EML6: variants seen among roughly 807,000 people sequenced by gnomAD.
EML6 encodes echinoderm microtubule-associated protein-like 6.
Under a neutral mutation model 240.1 loss-of-function variants are expected in EML6, and 154 were observed. The ratio of observed to expected loss-of-function variants is 0.64; its 90% CI spans 0.56 to 0.73. EML6 has a LOEUF of 0.73. Among genes scored for constraint, EML6 ranks in the 30% least tolerant of loss-of-function variants. The pLI is 0.00. For missense variants in EML6, 2,964 were observed against 2,474.6 expected, an observed-to-expected ratio of 1.20 and a Z score of -4.20; for synonymous variants, 1,148 against 899.0, an observed-to-expected ratio of 1.28 and a Z score of -4.95.
At chr2:54,909,931 A>G (rs928042771) in intron 24 of EML6, among the ~76,000 whole-genome samples, 1 of 151,918 alleles carries the variant, frequency 6.6e-6, no homozygotes, top group Non-Finnish European at 1.5e-5. Context: ...AAAGAACACG[A>G]TCTAAACCAA....
Position 54,844,267 on chromosome 2 carries a change from C to T in EML6, c.1049+19C>T. The T allele has an allele frequency of 6.5e-7, 1 of 1,544,394 alleles. No individual in the cohort carries two copies. The highest frequency in any genetic ancestry group is 8.8e-7 in the Non-Finnish European group (1 of 1,140,502). On this transcript the variant is annotated intron_variant, in intron 8 of 41. Coordinates refer to ENST00000356458, the MANE Select transcript of EML6 (RefSeq NM_001039753.4). ...CTGTCAGGTGAGGCCCTACCGCCGTCACCTCTCTGACTTCTTTGAGATGGA... is the reference window on the plus strand; with the variant it reads ...CTGTCAGGTGAGGCCCTACCGCCGTTACCTCTCTGACTTCTTTGAGATGGA...
At position 54,738,541 on chromosome 2, in the gene EML6, C is replaced by T. The variant is rs191660594; in HGVS notation, c.197+13283C>T. Among the ~76,000 whole-genome samples the T allele has an allele frequency of 2.6e-5, 4 of 152,306 alleles. No individual in the cohort carries two copies. In the East Asian group the frequency reaches 7.7e-4, roughly 29 times the overall value. On this transcript the variant is annotated intron_variant, in intron 2 of 41. Coordinates refer to ENST00000356458, the MANE Select transcript of EML6 (RefSeq NM_001039753.4). ...CATCAAAAAATCAATACCATCCATA[C>T]CACAGACAGCACCTCATGCCCTTTT...
chr2:54,891,284 T>C (rs1002106671), intron 18 of EML6, 130 bp downstream of exon 18: 20 of 513,290 alleles, frequency 3.9e-5, no homozygotes, highest in African/African-American at 3.6e-4. Flanking sequence ...CTAAAAAAAT[T>C]ATCTCCCAAG....
At chr2:54,915,933 G>A (rs1318429726) in intron 25 of EML6, among the ~76,000 whole-genome samples, 3 of 152,134 alleles carry the variant, frequency 2.0e-5, no homozygotes, top group African/African-American at 7.2e-5. Context: ...AAGCCATAAT[G>A]TTGTTGTTAT....
chr2:54,729,020 A>G (rs1014784751), intron 2 of EML6, among the ~76,000 whole-genome samples: 2 of 152,132 alleles, frequency 1.3e-5, no homozygotes, highest in Non-Finnish European at 2.9e-5. Context: ...TGTCAGTCAT[A>G]CTTGAGTTTG....
chr2:54,875,193 C>A (rs527736063), intron 16 of EML6, among the ~76,000 whole-genome samples: 38 of 152,266 alleles, frequency 2.5e-4, no homozygotes, highest in Middle Eastern at 3.4e-3. Flanking sequence ...TGTGGAACAG[C>A]CCCAAGTGAA....
chr2:54,903,448 G>T lies in EML6; in HGVS notation c.3355G>T (p.Gly1119Cys). 6.4e-7 allele frequency: 1 copy of T among 1,551,938 alleles called. No homozygotes were observed. The highest frequency in any genetic ancestry group is 8.7e-7 in the Non-Finnish European group (1 of 1,146,952). ...IYNVLTSKRVGICKGASSYIT... is the reference protein window; with the variant it reads ...IYNVLTSKRVCICKGASSYIT... ...CAACGTACTTACAAGCAAAAGGGTT[G>T]GCATCTGTAAAGGTGCTTCTAGTTA... Residue 1119 changes from glycine (G) to cysteine (C), a missense_variant, in exon 24 of 42, where the codon GGC becomes TGC. Gly to Cys is a radical substitution (Grantham distance 159). Coordinates refer to ENST00000356458, the MANE Select transcript of EML6 (RefSeq NM_001039753.4).
intron 29 of EML6, among the ~76,000 whole-genome samples, chr2:54,949,665 A>C (rs1459085098): frequency 2.6e-5 from 4 of 152,178 alleles, no homozygotes; most frequent in Non-Finnish European, 5.9e-5. Flanking sequence ...TCCATGCCTC[A>C]TGCTGGCCTT....
chr2:54,953,926 C>G, intron 31 of EML6, 57 bp from the exon 32 acceptor site: 5 of 1,316,928 alleles, frequency 3.8e-6, no homozygotes, highest in Non-Finnish European at 4.1e-6. Context: ...ACATAAGCAT[C>G]GCCTTGGCTC....
chr2:54,899,923 T>A, intron 22 of EML6, 141 bp downstream of exon 22: 1 of 841,052 alleles, frequency 1.2e-6, no homozygotes, highest in South Asian at 1.9e-5. Flanking sequence ...TTATATTGGT[T>A]GCTACAGTCA....
chr2:54,968,736 G>C lies in EML6; in HGVS notation c.5820G>C (p.Lys1940Asn). The C allele has an allele frequency of 1.3e-6, 2 of 1,549,830 alleles. No homozygotes were observed. The highest frequency in any genetic ancestry group is 2.4e-5 in the South Asian group (2 of 84,016). ...VTNIRFSYDD[K>N]YVVSTGGDDC... ...ACATCCGTTTCTCTTATGATGACAA[G>C]TATGTGGTCAGCACTGGAGGAGACG... is the stretch of plus-strand genomic sequence containing the variant. The change falls in exon 41 of 42, where the codon AAG (lysine) becomes AAC (asparagine). Residue 1940 changes from lysine (K) to asparagine (N), a missense_variant. Physicochemically the swap from Lys to Asn is moderately conservative, Grantham distance 94. Coordinates refer to ENST00000356458, the MANE Select transcript of EML6 (RefSeq NM_001039753.4).
intron 7 of EML6, among the ~76,000 whole-genome samples, chr2:54,838,749 T>A (rs1332736017): frequency 6.6e-6 from 1 of 152,176 alleles, no homozygotes; most frequent in Admixed American, 6.5e-5. Context: ...ATCTGCTGGC[T>A]CTCTGTACCA....
chr2:54,805,444 T>C (rs1307888778), intron 2 of EML6, among the ~76,000 whole-genome samples: 2 of 152,232 alleles, frequency 1.3e-5, no homozygotes, highest in African/African-American at 2.4e-5. Flanking sequence ...CCAGTTGCCC[T>C]GTGTCTTTAG....
intron 17 of EML6, among the ~76,000 whole-genome samples, chr2:54,884,927 A>G (rs917219407): frequency 1.3e-5 from 2 of 152,152 alleles, no homozygotes; most frequent in Non-Finnish European, 2.9e-5. Flanking sequence ...TAATCCCAGC[A>G]CTCTGGGAGG....
intron 33 of EML6, among the ~76,000 whole-genome samples, 191 bp from the exon 34 acceptor site, chr2:54,958,913 G>A (rs560070252): frequency 6.6e-6 from 1 of 152,244 alleles, no homozygotes; most frequent in Non-Finnish European, 1.5e-5. Context: ...GAATTTCCAA[G>A]CCAGGTGACT....
intron 2 of EML6, among the ~76,000 whole-genome samples, chr2:54,799,518 G>T (rs540940238): frequency 6.6e-6 from 1 of 152,074 alleles, no homozygotes; most frequent in South Asian, 2.1e-4. Context: ...GCTAATTTTT[G>T]TATTTTTAGT....
chr2:54,875,373 C>T (rs1671452529), intron 16 of EML6, among the ~76,000 whole-genome samples: 1 of 152,204 alleles, frequency 6.6e-6, no homozygotes, highest in Admixed American at 6.5e-5. Context: ...AAACAGGGCA[C>T]TGACGTGACA....
intron 2 of EML6, among the ~76,000 whole-genome samples, chr2:54,757,939 C>T (rs1423419764): frequency 3.8e-5 from 5 of 133,330 alleles, no homozygotes; most frequent in South Asian, 2.4e-4. Flanking sequence ...TCTTCTTGTT[C>T]TCTTTGTCTT....
chr2:54,889,521 G>A lies in EML6; in HGVS notation c.2439-1533G>A, dbSNP rs192546144. Reference sequence around the variant, plus strand: ...TTCACTTTTATGTTACATGTATCTCGTTGAGTTTATGCCTTGTTATTTTTA... The same window carrying A: ...TTCACTTTTATGTTACATGTATCTCATTGAGTTTATGCCTTGTTATTTTTA... On this transcript the variant is annotated intron_variant, in intron 17 of 41. Coordinates refer to ENST00000356458, the MANE Select transcript of EML6 (RefSeq NM_001039753.4). Among the ~76,000 whole-genome samples, 38 of 145,734 alleles carry A rather than the reference G, an allele frequency of 2.6e-4. No homozygotes were observed. The East Asian group carries it at 6.0e-3, about 23-fold the overall frequency.
Sources: allele counts gnomAD v4.1 joint callset (sites outside exome capture counted in the v4.1 genomes callset), GRCh38; gene constraint gnomAD v4.1.1; transcripts MANE v1.5; gene names NCBI Gene and HGNC (gene_info 2026-07-23, HGNC 2026-07-21).